The following AGPAT4 variants were observed in gnomAD, a reference collection of about 807,000 sequenced individuals.
AGPAT4 encodes the protein 1-acyl-sn-glycerol-3-phosphate acyltransferase delta.
In AGPAT4, 15 loss-of-function variants were observed where a neutral mutation model predicts 48.0. The ratio of observed to expected loss-of-function variants is 0.31; its 90% confidence interval spans 0.21 to 0.48. AGPAT4 has a LOEUF of 0.48. Ranked by LOEUF, AGPAT4 falls within the 20% of genes least tolerant of loss-of-function variation. AGPAT4 has a pLI of 0.99. For missense variants in AGPAT4, 314 were observed against 482.5 expected (o/e 0.65, Z 3.27); for synonymous variants, 178 against 198.7 (o/e 0.90, Z 0.88).
chr6:161,165,640 T>C lies in AGPAT4; in HGVS notation c.348+608A>G. ...CAGGCTCAACCGCTACACGCTGCAG[T>C]GTGTTGAAGACGACAAAAGTCAACT... On this transcript the variant is annotated intron_variant, in intron 3 of 8. Transcript: ENST00000320285. The surrounding 1 kb of genome is among the most constrained non-coding windows in gnomAD (Gnocchi z 5.5). 3 of 1,304,228 alleles carry C rather than the reference T, an allele frequency of 2.3e-6. No homozygotes were observed. Among genetic ancestry groups the C allele is most frequent in the South Asian group, 1.2e-5 (1 of 80,984 alleles). The allele number at this position is 1,304,228 out of a possible 1,614,324, so 80.8% of individuals were successfully genotyped here. A position where few individuals can be genotyped will look rare whatever the true frequency, so the allele number is the denominator to read the frequency against.
chr6:161,206,736 A>T lies in AGPAT4; in HGVS notation c.178+25300T>A, dbSNP rs1781388434. ...ATGACACAGACATGGAAGATATTTA[A>T]GAAGAATTTTTAAATGGCCATCATA... On this transcript the variant is annotated intron_variant, in intron 2 of 8. Transcript: ENST00000320285. The surrounding 1 kb of genome is among the most constrained non-coding windows in gnomAD (Gnocchi z 4.8). Among the ~76,000 whole-genome samples, 1 of 152,248 alleles carries T rather than the reference A, an allele frequency of 6.6e-6. No homozygotes were observed. Among genetic ancestry groups the T allele is most frequent in the Non-Finnish European group, 1.5e-5 (1 of 68,042 alleles).
intron 1 of AGPAT4, 125 bp downstream of exon 1, chr6:161,273,813 C>T (rs1229717165): frequency 1.4e-5 from 2 of 141,028 alleles, no homozygotes; most frequent in Non-Finnish European, 3.1e-5. Context: ...GCCCCCGGAG[C>T]CTACCCCTTC....
chr6:161,271,235 C>T (rs971541876), intron 1 of AGPAT4, among the ~76,000 whole-genome samples: 1 of 152,158 alleles, frequency 6.6e-6, no homozygotes, highest in Non-Finnish European at 1.5e-5. Flanking sequence ...CATTTCTTAC[C>T]ATCCACCTTT....
intron 1 of AGPAT4, among the ~76,000 whole-genome samples, chr6:161,257,697 T>G (rs1163999355): frequency 6.6e-6 from 1 of 152,066 alleles, no homozygotes; most frequent in Non-Finnish European, 1.5e-5. Flanking sequence ...AAATTAATTT[T>G]CTTCATGGAA....
In AGPAT4 at chr6:161,140,852, C is replaced by T. The variant is rs540722998; in HGVS notation, c.844-1232G>A. On this transcript the variant is annotated intron_variant, in intron 7 of 8. Transcript: ENST00000320285. This position sits in a 1 kb window ranked among gnomAD's most constrained non-coding sequence, Gnocchi z 6.5. ...AGCTATTGTAAAAGCTGCACGTGGC[C>T]GATAGCATGCACGCCACACAAAAAT... 6.6e-6 allele frequency among the ~76,000 whole-genome samples: 1 copy of T among 152,206 alleles called. No individual in the cohort carries two copies. The highest frequency in any genetic ancestry group is 1.5e-5 in the Non-Finnish European group (1 of 68,006).
chr6:161,150,124 G>A (rs1271832293), intron 5 of AGPAT4, among the ~76,000 whole-genome samples: 1 of 152,236 alleles, frequency 6.6e-6, no homozygotes, highest in African/African-American at 2.4e-5. Flanking sequence ...TTGGATTGTA[G>A]TCAGTTGAAG....
At position 161,206,556 on chromosome 6, in the gene AGPAT4, A is replaced by C. The variant is rs1244983293; in HGVS notation, c.178+25480T>G. Among the ~76,000 whole-genome samples, 3 of 152,244 alleles carry C rather than the reference A, an allele frequency of 2.0e-5. No individual in the cohort carries two copies. Among genetic ancestry groups the C allele is most frequent in the Admixed American group, 6.5e-5 (1 of 15,286 alleles). On this transcript the variant is annotated intron_variant, in intron 2 of 8. Coordinates refer to ENST00000320285, the MANE Select transcript of AGPAT4 (RefSeq NM_020133.3). The surrounding 1 kb of genome is among the most constrained non-coding windows in gnomAD (Gnocchi z 4.8). ...TTGACCCAGTGACACAGTATCAGAG[A>C]AAATCTGTTAAAACAAGTTTAAGTA...
At chr6:161,258,393 A>T (rs1420779041) in intron 1 of AGPAT4, among the ~76,000 whole-genome samples, 1 of 152,164 alleles carries the variant, frequency 6.6e-6, no homozygotes, top group Non-Finnish European at 1.5e-5. Flanking sequence ...CCATTTTTAG[A>T]CTTTTGTTTT....
At chr6:161,152,704 C>T (rs1361498726) in intron 5 of AGPAT4, among the ~76,000 whole-genome samples, 1 of 152,136 alleles carries the variant, frequency 6.6e-6, no homozygotes, top group African/African-American at 2.4e-5. Context: ...GAGACAGCTT[C>T]GCCTGAAGTG....
In AGPAT4 at chr6:161,229,846, T is replaced by C. The variant is rs1356554108; in HGVS notation, c.178+2190A>G. 6.6e-6 allele frequency among the ~76,000 whole-genome samples: 1 copy of C among 152,058 alleles called. No homozygotes were observed. The highest frequency in any genetic ancestry group is 1.5e-5 in the Non-Finnish European group (1 of 68,004). On this transcript the variant is annotated intron_variant, in intron 2 of 8. Coordinates refer to ENST00000320285, the MANE Select transcript of AGPAT4 (RefSeq NM_020133.3). The surrounding 1 kb of genome is among the most constrained non-coding windows in gnomAD (Gnocchi z 6.0). The stretch of plus-strand genomic sequence containing the variant: ...CTTCCTCCGGGGACATAGGCAAAGG[T>C]CATTGCTGGGGTGCATCTGGATGGA...
Position 161,136,252 on chromosome 6 carries a change from C to A in AGPAT4, c.*288G>T. ...CTGCCCTCCCCTGCAGCCTAAAATA[C>A]CCTTTCTATGATCACAGAACAAAGT... On this transcript the variant is annotated 3_prime_UTR_variant, in exon 9 of 9. Coordinates refer to ENST00000320285, the MANE Select transcript of AGPAT4 (RefSeq NM_020133.3). 3.8e-5 allele frequency: 14 copies of A among 364,104 alleles called. No homozygotes were observed. Among genetic ancestry groups the A allele is most frequent in the East Asian group, 1.2e-4 (2 of 16,282 alleles). The allele number at this position is 364,104 out of a possible 1,614,324, so 22.6% of individuals were successfully genotyped here. A position where few individuals can be genotyped will look rare whatever the true frequency, so the allele number is the denominator to read the frequency against.
At chr6:161,176,228 C>T (rs1418574076) in intron 2 of AGPAT4, among the ~76,000 whole-genome samples, 1 of 152,146 alleles carries the variant, frequency 6.6e-6, no homozygotes, top group Non-Finnish European at 1.5e-5. Flanking sequence ...CTAATGTTGA[C>T]AGTGGGGTGT....
intron 2 of AGPAT4, among the ~76,000 whole-genome samples, chr6:161,188,292 C>G (rs1465410125): frequency 6.6e-6 from 1 of 152,166 alleles, no homozygotes; most frequent in South Asian, 2.1e-4. Flanking sequence ...AATTTTGTCT[C>G]TCTTCTAGTA....
chr6:161,176,622 A>G (rs1027397918), intron 2 of AGPAT4, among the ~76,000 whole-genome samples: 1 of 151,802 alleles, frequency 6.6e-6, no homozygotes, highest in Non-Finnish European at 1.5e-5. Context: ...TTTTAATTGG[A>G]GCATTTAGCC....
At position 161,132,494 on chromosome 6, in the gene AGPAT4, C is replaced by G. The variant is rs41267841; in HGVS notation, c.*4046G>C. The G allele has an allele frequency of 6.6e-6, 1 of 152,444 alleles. No individual in the cohort carries two copies. The highest frequency in any genetic ancestry group is 1.5e-5 in the Non-Finnish European group (1 of 68,206). 9.4% of individuals were successfully genotyped at this position (152,444 alleles called of 1,614,324 possible). A position where few individuals can be genotyped will look rare whatever the true frequency, so the allele number is the denominator to read the frequency against. On this transcript the variant is annotated 3_prime_UTR_variant, in exon 9 of 9. Coordinates refer to ENST00000320285, the MANE Select transcript of AGPAT4 (RefSeq NM_020133.3). ...TGCCGCACTCAGCAGCCTGGAATGC[C>G]AGCTCTCATGCCCTCACCTAGAAAC...
chr6:161,207,282 T>C (rs1344422175), intron 2 of AGPAT4, among the ~76,000 whole-genome samples: 5 of 152,230 alleles, frequency 3.3e-5, no homozygotes, highest in Admixed American at 3.3e-4. Context: ...CGCTCCTAAA[T>C]GCTCTTTTTG....
chr6:161,162,851 A>C (rs749982415), intron 3 of AGPAT4, among the ~76,000 whole-genome samples: 6 of 152,236 alleles, frequency 3.9e-5, no homozygotes, highest in Non-Finnish European at 8.8e-5. Flanking sequence ...CTGCTAAGGG[A>C]AAAAGATAAG....
chr6:161,185,283 CTTT>C (rs35820706), intron 2 of AGPAT4, among the ~76,000 whole-genome samples: 43 of 109,268 alleles, frequency 3.9e-4, no homozygotes, highest in African/African-American at 1.2e-3. Context: ...TTTAAGATGT[CTTT>C]TTTTTTTTTT....
Position 161,200,767 on chromosome 6 carries a change from T to G in AGPAT4, c.178+31269A>C, listed in dbSNP as rs994139886. Among the ~76,000 whole-genome samples, 5 of 152,202 alleles carry G rather than the reference T, an allele frequency of 3.3e-5. No homozygotes were observed. Among genetic ancestry groups the G allele is most frequent in the African/African-American group, 1.2e-4 (5 of 41,464 alleles). ...TCTGTTCCTGAAGCCATACGGTCCA[T>G]GTGTTACACTGCCCCCGCAGGATGG... On this transcript the variant is annotated intron_variant, in intron 2 of 8. Transcript: ENST00000320285. This position sits in a 1 kb window ranked among gnomAD's most constrained non-coding sequence, Gnocchi z 5.5.
Sources: gnomAD v4.1 joint callset for allele counts (sites outside exome capture counted in the v4.1 genomes callset) on GRCh38, gnomAD v4.1.1 for gene constraint, Gnocchi (gnomAD v3.1) non-coding constraint, MANE v1.5 for transcripts, NCBI Gene and HGNC (gene_info 2026-07-23, HGNC 2026-07-21) for gene names.